MAP7: variants seen among roughly 807,000 people sequenced by gnomAD.
The protein encoded by MAP7 is ensconsin.
MAP7 carries 52 observed loss-of-function variants against 94.8 expected under a neutral mutation model. That is an observed-to-expected ratio of 0.55 (90% CI 0.44 to 0.69). The LOEUF (loss-of-function observed/expected upper bound fraction) is 0.69, where lower values mean the gene tolerates loss of function less well. MAP7 is among the 30% of genes least tolerant of loss of function. The probability of loss-of-function intolerance (pLI) is 0.00; values close to 1 mark genes in which losing one functional copy is unlikely to be tolerated. For missense variants in MAP7, 940 were observed against 964.6 expected, an observed-to-expected ratio of 0.97 and a Z score of 0.34; for synonymous variants, 350 against 357.0, an observed-to-expected ratio of 0.98 and a Z score of 0.22.
intron 1 of MAP7, among the ~76,000 whole-genome samples, chr6:136,464,437 G>T (rs1806278197): frequency 6.6e-6 from 1 of 152,176 alleles, no homozygotes; most frequent in African/African-American, 2.4e-5. Flanking sequence ...ACTCTATATT[G>T]TTATAACTGC....
chr6:136,496,454 T>G (rs1183139364), intron 1 of MAP7, among the ~76,000 whole-genome samples: 1 of 151,232 alleles, frequency 6.6e-6, no homozygotes, highest in Non-Finnish European at 1.5e-5. Context: ...GTCATGTTTC[T>G]CTGGTTCTCT....
chr6:136,500,857 A>G (rs1819636302), intron 1 of MAP7, among the ~76,000 whole-genome samples: 1 of 152,232 alleles, frequency 6.6e-6, no homozygotes, highest in Non-Finnish European at 1.5e-5. Context: ...AGATAATGTA[A>G]GATTATTTGA....
intron 1 of MAP7, among the ~76,000 whole-genome samples, chr6:136,467,416 T>C (rs1156567877): frequency 2.6e-5 from 4 of 152,210 alleles, no homozygotes; most frequent in Non-Finnish European, 5.9e-5. Context: ...AGAAAGTGTA[T>C]GGAATGACAT....
intron 1 of MAP7, among the ~76,000 whole-genome samples, chr6:136,425,667 T>C (rs1326007230): frequency 6.6e-6 from 1 of 152,170 alleles, no homozygotes; most frequent in Admixed American, 6.5e-5. Flanking sequence ...TTATCCAATG[T>C]GATTTATAAA....
chr6:136,389,015 T>C (rs545834217), intron 4 of MAP7, among the ~76,000 whole-genome samples: 22 of 152,268 alleles, frequency 1.4e-4, no homozygotes, highest in African/African-American at 5.1e-4. Context: ...AAGGGTTAAA[T>C]GAGATAATCT....
chr6:136,526,295 A>T, intron 1 of MAP7: 1 of 1,030,200 alleles, frequency 9.7e-7, no homozygotes, highest in South Asian at 3.8e-5. Context: ...ACACACACAC[A>T]CACACTCCTT....
At chr6:136,407,397 T>C (rs1322297348) in intron 3 of MAP7, among the ~76,000 whole-genome samples, 1 of 152,204 alleles carries the variant, frequency 6.6e-6, no homozygotes, top group Non-Finnish European at 1.5e-5. Context: ...AGTGAAAGGA[T>C]GATAAATTTC....
At chr6:136,535,895 G>T (rs367604597) in intron 1 of MAP7, among the ~76,000 whole-genome samples, 23 of 148,002 alleles carry the variant, frequency 1.6e-4, no homozygotes, top group Admixed American at 1.1e-3. Context: ...ATCCCTCCCC[G>T]CTCCCCCCAC....
intron 7 of MAP7, among the ~76,000 whole-genome samples, chr6:136,372,969 G>C (rs944635214): frequency 1.4e-4 from 22 of 152,136 alleles, no homozygotes; most frequent in African/African-American, 4.8e-4. Context: ...CCTATTAGCT[G>C]ATGGTTCTGG....
At chr6:136,478,356 G>A (rs1318968663) in intron 1 of MAP7, among the ~76,000 whole-genome samples, 1 of 152,160 alleles carries the variant, frequency 6.6e-6, no homozygotes, top group Non-Finnish European at 1.5e-5. Context: ...GCCAAGGTGG[G>A]AGGATGGCTT....
At chr6:136,546,810 T>C (rs1829773082) in intron 1 of MAP7, among the ~76,000 whole-genome samples, 1 of 152,252 alleles carries the variant, frequency 6.6e-6, no homozygotes, top group African/African-American at 2.4e-5. Context: ...TCCAAATGAT[T>C]GTTTCTCATG....
intron 1 of MAP7, among the ~76,000 whole-genome samples, chr6:136,462,446 G>T (rs982077260): frequency 1.3e-5 from 2 of 152,058 alleles, no homozygotes; most frequent in Non-Finnish European, 2.9e-5. Flanking sequence ...ATACACAGCA[G>T]ATTTTATGTT....
At chr6:136,466,825 T>A in intron 1 of MAP7, 1 of 1,534,206 alleles carries the variant, frequency 6.5e-7, no homozygotes, top group Non-Finnish European at 8.7e-7. Flanking sequence ...CATATCTGCA[T>A]GTCTCCCTCT....
chr6:136,457,469 C>T (rs940294913), intron 1 of MAP7, among the ~76,000 whole-genome samples: 8 of 152,130 alleles, frequency 5.3e-5, no homozygotes, highest in East Asian at 3.9e-4. Context: ...ACTCAAATTA[C>T]GAAGCGGTGT....
At chr6:136,511,505 G>GA (rs3215703) in intron 1 of MAP7, among the ~76,000 whole-genome samples, 39,854 of 151,976 alleles carry the variant, frequency 0.26, 6,564 homozygotes, top group African/African-American at 0.46. Context: ...AAAAAAGGCA[G>GA]TGCAGAGATA....
At chr6:136,429,078 C>A (rs1229028614) in intron 1 of MAP7, among the ~76,000 whole-genome samples, 1 of 152,198 alleles carries the variant, frequency 6.6e-6, no homozygotes, top group Non-Finnish European at 1.5e-5. Context: ...TCCTCTCTTG[C>A]ATCCTTCATC....
chr6:136,495,273 T>G (rs1411106459), intron 1 of MAP7, among the ~76,000 whole-genome samples: 2 of 152,200 alleles, frequency 1.3e-5, no homozygotes, highest in Non-Finnish European at 2.9e-5. Flanking sequence ...GTGTTAAAAC[T>G]TTCTCCAAGA....
chr6:136,352,565 A>C (rs993118633), intron 16 of MAP7, among the ~76,000 whole-genome samples: 2 of 152,164 alleles, frequency 1.3e-5, no homozygotes, highest in Non-Finnish European at 2.9e-5. Context: ...CTTATAAGCC[A>C]AACCAAAATC....
At chr6:136,468,638 C>T (rs1807933984) in intron 1 of MAP7, among the ~76,000 whole-genome samples, 2 of 152,294 alleles carry the variant, frequency 1.3e-5, no homozygotes, top group East Asian at 3.9e-4. Flanking sequence ...TTTTGTAATA[C>T]AGTGTTGAAT....
Sources: allele counts gnomAD v4.1 joint callset (sites outside exome capture counted in the v4.1 genomes callset), GRCh38; gene constraint gnomAD v4.1.1; transcripts MANE v1.5; gene names NCBI Gene and HGNC (gene_info 2026-07-23, HGNC 2026-07-21).